The following CEP112 variants were observed in gnomAD, a reference collection of about 807,000 sequenced individuals.
CEP112 encodes centrosomal protein of 112 kDa.
CEP112 carries 127 observed loss-of-function variants against 153.0 expected under a neutral mutation model. The observed-to-expected ratio is 0.83, with a 90% CI of 0.72 to 0.96. The LOEUF (loss-of-function observed/expected upper bound fraction) is 0.96, where lower values mean the gene tolerates loss of function less well. Ranked by LOEUF, CEP112 falls within the 40% of genes least tolerant of loss-of-function variation. The pLI is 0.00. For missense variants in CEP112, 1,089 were observed against 1,101.2 expected (o/e 0.99, Z 0.16); for synonymous variants, 358 against 374.4 (o/e 0.96, Z 0.51).
rs557402901 is a variant in CEP112 at position 65,843,663 on chromosome 17, T to C, written c.2394+8141A>G. Among the ~76,000 whole-genome samples the C allele has an allele frequency of 3.3e-5, 5 of 152,310 alleles. No homozygotes were observed. In the South Asian group the frequency reaches 1.0e-3, roughly 32 times the overall value. ...ATGCTGAATTGTTGCTCAAAGCCTTTTCATGATTTCAGGCTGGCAGAATTC... is the reference window on the plus strand; with the variant it reads ...ATGCTGAATTGTTGCTCAAAGCCTTCTCATGATTTCAGGCTGGCAGAATTC... On this transcript the variant is annotated intron_variant, in intron 21 of 26. Transcript: ENST00000535342.
chr17:65,773,017 C>T (rs2053471183), intron 21 of CEP112, among the ~76,000 whole-genome samples: 1 of 152,080 alleles, frequency 6.6e-6, no homozygotes, highest in South Asian at 2.1e-4. Flanking sequence ...GAATCTAAAC[C>T]TCTCAAAAAC....
At chr17:65,937,402 A>G (rs1205638104) in intron 18 of CEP112, among the ~76,000 whole-genome samples, 2 of 110,524 alleles carry the variant, frequency 1.8e-5, no homozygotes, top group Admixed American at 1.1e-4. Context: ...CCATCGTCTG[A>G]GATGTGGGGA....
At chr17:65,740,896 T>A (rs1158603380) in intron 23 of CEP112, among the ~76,000 whole-genome samples, 1 of 152,232 alleles carries the variant, frequency 6.6e-6, no homozygotes, top group Non-Finnish European at 1.5e-5. Flanking sequence ...ATATCATTCA[T>A]GCAGAGAGAA....
chr17:65,863,212 T>C (rs937004618), intron 20 of CEP112, among the ~76,000 whole-genome samples: 4 of 152,186 alleles, frequency 2.6e-5, no homozygotes, highest in African/African-American at 9.7e-5. Flanking sequence ...CTAATATTAT[T>C]TTGTAAATGT....
chr17:65,868,840 G>T (rs1054297436), intron 20 of CEP112, among the ~76,000 whole-genome samples: 1 of 152,166 alleles, frequency 6.6e-6, no homozygotes, highest in Non-Finnish European at 1.5e-5. Context: ...TTTTGGAAAT[G>T]ATTGATTTCA....
chr17:65,875,232 T>A (rs1311978810), intron 20 of CEP112, among the ~76,000 whole-genome samples: 1 of 152,020 alleles, frequency 6.6e-6, no homozygotes, highest in Non-Finnish European at 1.5e-5. Context: ...TTGGAACATA[T>A]CAGGAAAGTT....
At chr17:66,170,745 A>G (rs1376633966) in intron 4 of CEP112, among the ~76,000 whole-genome samples, 1 of 151,836 alleles carries the variant, frequency 6.6e-6, no homozygotes, top group Admixed American at 6.5e-5. Context: ...CCTGGGTGAC[A>G]GAGTAAGACT....
intron 20 of CEP112, among the ~76,000 whole-genome samples, chr17:65,871,359 C>T (rs1321629276): frequency 6.6e-6 from 1 of 152,090 alleles, no homozygotes; most frequent in Non-Finnish European, 1.5e-5. Flanking sequence ...TACATGCAGG[C>T]CGGGCACTGT....
chr17:65,655,175 T>A, intron 24 of CEP112: 1 of 760,620 alleles, frequency 1.3e-6, no homozygotes, highest in Non-Finnish European at 2.5e-6. Context: ...GGCAGAAATC[T>A]AATATTGACA....
rs1364228636 is a variant in CEP112, at chr17:66,129,788, A to C, written c.600T>G (p.Asp200Glu). 1 of 1,612,668 alleles carries C rather than the reference A, an allele frequency of 6.2e-7. No individual in the cohort carries two copies. The highest frequency in any genetic ancestry group is 8.5e-7 in the Non-Finnish European group (1 of 1,179,426). ...TAAGGCGAGCTTCAATGTCACTATC[A>C]TCCAAAGAAACAGGAGATTTTTTCG... Reference protein sequence around the residue: ...VYSKKSPVSLDDSDIEARLNS... With the variant: ...VYSKKSPVSLEDSDIEARLNS... The change falls in exon 6 of 27, where the codon GAT (aspartate) becomes GAG (glutamate). Residue 200 changes from aspartate (D) to glutamate (E), a missense_variant. Transcript: ENST00000535342.
chr17:65,813,534 A>C (rs1399253789), intron 21 of CEP112, among the ~76,000 whole-genome samples: 1 of 152,254 alleles, frequency 6.6e-6, no homozygotes, highest in Non-Finnish European at 1.5e-5. Context: ...AGAAGCCAAC[A>C]TTCCTGACAT....
rs1344471276 is a variant in CEP112, at chr17:65,967,875, C to T, written c.1737-6277G>A. 3.3e-5 allele frequency among the ~76,000 whole-genome samples: 4 copies of T among 121,290 alleles called. No individual in the cohort carries two copies. In the East Asian group the frequency reaches 3.2e-3, roughly 98 times the overall value. 79.6% of individuals were successfully genotyped at this position (121,290 alleles called of 152,430 possible). ...ACTAACAAAATATTGAGAAAATTAT[C>T]CTTAAAGATAAAGCAGTCATGGTTT... On this transcript the variant is annotated intron_variant, in intron 17 of 26. Coordinates refer to ENST00000535342, the MANE Select transcript of CEP112 (RefSeq NM_001199165.4).
At chr17:66,023,425 C>T (rs2065079624) in intron 16 of CEP112, among the ~76,000 whole-genome samples, 1 of 152,074 alleles carries the variant, frequency 6.6e-6, no homozygotes, top group Admixed American at 6.6e-5. Flanking sequence ...CTTCAGAGTG[C>T]TTAAAAAGAA....
At chr17:66,064,921 C>G (rs1391731170) in intron 10 of CEP112, among the ~76,000 whole-genome samples, 1 of 152,054 alleles carries the variant, frequency 6.6e-6, no homozygotes, top group Non-Finnish European at 1.5e-5. Flanking sequence ...GGAAATGAAC[C>G]TACAAATATT....
At chr17:65,752,726 G>A (rs538422900) in intron 21 of CEP112, among the ~76,000 whole-genome samples, 1 of 152,228 alleles carries the variant, frequency 6.6e-6, no homozygotes, top group South Asian at 2.1e-4. Context: ...AGATCTTGCT[G>A]CTTCTAATGG....
intron 13 of CEP112, 61 bp from the exon 14 acceptor site, chr17:66,029,313 T>TA: frequency 7.2e-6 from 8 of 1,118,072 alleles, no homozygotes; most frequent in Non-Finnish European, 8.7e-6. Context: ...TAAAATGAAA[T>TA]TTTTTAATCA....
chr17:66,027,590 T>C lies in CEP112; in HGVS notation c.1597-30A>G, dbSNP rs970957487. The C allele has an allele frequency of 3.3e-5, 39 of 1,198,086 alleles. No homozygotes were observed. In the East Asian group the frequency reaches 1.3e-3, roughly 39 times the overall value. The allele number at this position is 1,198,086 out of a possible 1,614,324, so 74.2% of individuals were successfully genotyped here. ...GAATGATAAATGTTTATATTTATTA[T>C]ACTTTAAATTATACTAGAGTCAATA... On this transcript the variant is annotated intron_variant, in intron 15 of 26. Transcript: ENST00000535342.
At chr17:65,982,354 T>A (rs1388318607) in intron 17 of CEP112, among the ~76,000 whole-genome samples, 1 of 152,102 alleles carries the variant, frequency 6.6e-6, no homozygotes, top group Non-Finnish European at 1.5e-5. Flanking sequence ...AGGCAAAATA[T>A]CCCCGAAGTA....
rs544764933 is a variant in CEP112 at position 65,987,269 on chromosome 17, G to A, written c.1736+18421C>T. Among the ~76,000 whole-genome samples, 33 of 151,904 alleles carry A rather than the reference G, an allele frequency of 2.2e-4. 1 individual carries two copies. Among genetic ancestry groups the A allele is most frequent in the Admixed American group, 2.2e-3 (33 of 15,244 alleles). ...GATTAAGATGAAAAATAGAAAAGAA[G>A]CAAAAATGCAGAGCACAATAAAAAT... On this transcript the variant is annotated intron_variant, in intron 17 of 26. Transcript: ENST00000535342.
Sources: gnomAD v4.1 joint callset for allele counts (sites outside exome capture counted in the v4.1 genomes callset) on GRCh38, gnomAD v4.1.1 for gene constraint, MANE v1.5 for transcripts, NCBI Gene and HGNC (gene_info 2026-07-23, HGNC 2026-07-21) for gene names.